Variants in TSPAN5 observed in about 807,000 individuals in gnomAD.
The protein encoded by TSPAN5 is tetraspanin-5.
In TSPAN5, 10 loss-of-function variants were observed where a neutral mutation model predicts 37.1. The observed-to-expected ratio is 0.27, with a 90% CI of 0.17 to 0.46. The LOEUF (loss-of-function observed/expected upper bound fraction) is 0.46, where lower values mean the gene tolerates loss of function less well. TSPAN5 is among the 20% of genes least tolerant of loss of function. TSPAN5 has a pLI of 1.00. For synonymous variants in TSPAN5, 110 were observed against 118.9 expected, an observed-to-expected ratio of 0.93 and a Z score of 0.48; for missense variants, 195 against 326.6, an observed-to-expected ratio of 0.60 and a Z score of 3.11.
In TSPAN5 at chr4:98,518,094, CTT is replaced by C. The variant is rs535091902; in HGVS notation, c.82-10368_82-10367del. ...CTGTTTTTATGTTGAAACATCTTGACTTTTTTTTTTTTTTTTTTAACTTTTCC... is the reference window on the plus strand; with the variant it reads ...CTGTTTTTATGTTGAAACATCTTGACTTTTTTTTTTTTTTTTAACTTTTCC... On this transcript the variant is annotated intron_variant, in intron 1 of 7. Transcript: ENST00000305798. Among the ~76,000 whole-genome samples the C allele has an allele frequency of 2.6e-3, 342 of 132,618 alleles. 1 individual carries two copies. The highest frequency in any genetic ancestry group is 8.1e-3 in the African/African-American group (301 of 37,040). The allele number at this position is 132,618 out of a possible 152,430, so 87.0% of individuals were successfully genotyped here.
chr4:98,639,582 A>G (rs1756922834), intron 1 of TSPAN5, among the ~76,000 whole-genome samples: 1 of 151,040 alleles, frequency 6.6e-6, no homozygotes, highest in East Asian at 1.9e-4. Flanking sequence ...TCAGCTTCTC[A>G]AAGTGCTGGG....
At chr4:98,656,861 C>T (rs1315589612) in intron 1 of TSPAN5, among the ~76,000 whole-genome samples, 1 of 152,088 alleles carries the variant, frequency 6.6e-6, no homozygotes, top group Non-Finnish European at 1.5e-5. Flanking sequence ...TATGAAGAGC[C>T]GTATTGACAA....
chr4:98,626,428 T>C (rs1416371901), intron 1 of TSPAN5, among the ~76,000 whole-genome samples: 1 of 152,196 alleles, frequency 6.6e-6, no homozygotes, highest in African/African-American at 2.4e-5. Flanking sequence ...AGTCAGATCA[T>C]GTAACTTCTC....
At chr4:98,656,669 A>G (rs1757300968) in intron 1 of TSPAN5, among the ~76,000 whole-genome samples, 1 of 152,208 alleles carries the variant, frequency 6.6e-6, no homozygotes, top group Non-Finnish European at 1.5e-5. Flanking sequence ...ATCGGATATG[A>G]CATCCATTCA....
At position 98,476,589 on chromosome 4, in the gene TSPAN5, A is replaced by G. The variant is rs193023204; in HGVS notation, c.577-129T>C. 606 of 779,418 alleles carry G rather than the reference A, an allele frequency of 7.8e-4. No individual in the cohort carries two copies. In the African/African-American group the frequency reaches 9.0e-3, roughly 12 times the overall value. 48.3% of individuals were successfully genotyped at this position (779,418 alleles called of 1,614,324 possible). A position where few individuals can be genotyped will look rare whatever the true frequency, so the allele number is the denominator to read the frequency against. On this transcript the variant is annotated intron_variant, in intron 5 of 7. Coordinates refer to ENST00000305798, the MANE Select transcript of TSPAN5 (RefSeq NM_005723.4). Reference sequence around the variant, plus strand: ...ATCTGGGCACAAAGACTGCAGCACTATGTTAAACACTTTATATACATGATC... The same window carrying G: ...ATCTGGGCACAAAGACTGCAGCACTGTGTTAAACACTTTATATACATGATC...
chr4:98,588,485 A>G (rs1243058836), intron 1 of TSPAN5, among the ~76,000 whole-genome samples: 1 of 152,170 alleles, frequency 6.6e-6, no homozygotes. Context: ...TTTTTAAAGA[A>G]TGTCTTTTCT....
chr4:98,633,588 A>G (rs1756793143), intron 1 of TSPAN5, among the ~76,000 whole-genome samples: 1 of 152,194 alleles, frequency 6.6e-6, no homozygotes, highest in Non-Finnish European at 1.5e-5. Flanking sequence ...TTTTAAACAG[A>G]ATTTAAAATG....
chr4:98,525,831 A>G (rs905229274), intron 1 of TSPAN5, among the ~76,000 whole-genome samples: 1 of 152,222 alleles, frequency 6.6e-6, no homozygotes, highest in Non-Finnish European at 1.5e-5. Flanking sequence ...TTTCTTATAC[A>G]TACATGTCAT....
intron 1 of TSPAN5, among the ~76,000 whole-genome samples, chr4:98,564,273 C>G (rs1423825690): frequency 6.6e-6 from 1 of 152,204 alleles, no homozygotes; most frequent in Non-Finnish European, 1.5e-5. Context: ...CTATCAAATT[C>G]TTACCCCAAA....
chr4:98,477,337 C>T (rs1187152013), intron 5 of TSPAN5, among the ~76,000 whole-genome samples: 2 of 152,234 alleles, frequency 1.3e-5, no homozygotes, highest in Non-Finnish European at 2.9e-5. Context: ...TCCTTAGTGA[C>T]TTTGTCTCCT....
intron 1 of TSPAN5, among the ~76,000 whole-genome samples, chr4:98,649,284 C>T (rs1318171282): frequency 6.6e-6 from 1 of 152,074 alleles, no homozygotes; most frequent in Non-Finnish European, 1.5e-5. Flanking sequence ...GACCCACCCA[C>T]CCACATACGC....
chr4:98,592,541 G>A (rs1461909785), intron 1 of TSPAN5, among the ~76,000 whole-genome samples: 3 of 144,818 alleles, frequency 2.1e-5, no homozygotes, highest in Non-Finnish European at 4.5e-5. Context: ...ACCCACTAAT[G>A]TGTCGTCTAG....
intron 1 of TSPAN5, among the ~76,000 whole-genome samples, chr4:98,584,883 T>G (rs1356658497): frequency 6.6e-6 from 1 of 152,226 alleles, no homozygotes; most frequent in Admixed American, 6.5e-5. Flanking sequence ...TTCAATCTAA[T>G]TCCTTCTATC....
At chr4:98,508,965 G>T (rs1266353887) in intron 1 of TSPAN5, among the ~76,000 whole-genome samples, 1 of 151,960 alleles carries the variant, frequency 6.6e-6, no homozygotes, top group Non-Finnish European at 1.5e-5. Context: ...CCTTGATATA[G>T]AAAACAATGG....
At position 98,658,283 on chromosome 4, in the gene TSPAN5, C is replaced by A; in HGVS notation, c.-57G>T. The stretch of plus-strand genomic sequence containing the variant: ...AGCCCGAGTTTGGAGCTCCGAAGCA[C>A]CGTTGCTCGGAGCAGCCCGGCGGGG... On this transcript the variant is annotated 5_prime_UTR_variant, in exon 1 of 8. Transcript: ENST00000305798. 6.9e-7 allele frequency: 1 copy of A among 1,445,866 alleles called. No homozygotes were observed. Among genetic ancestry groups the A allele is most frequent in the Non-Finnish European group, 9.7e-7 (1 of 1,026,876 alleles). The allele number at this position is 1,445,866 out of a possible 1,614,324, so 89.6% of individuals were successfully genotyped here. A position where few individuals can be genotyped will look rare whatever the true frequency, so the allele number is the denominator to read the frequency against.
intron 2 of TSPAN5, among the ~76,000 whole-genome samples, chr4:98,490,800 C>G (rs1225763726): frequency 6.6e-6 from 1 of 152,082 alleles, no homozygotes; most frequent in Non-Finnish European, 1.5e-5. Flanking sequence ...ATGGCTCACG[C>G]CTGTAATCCC....
At chr4:98,573,305 G>A (rs7670256) in intron 1 of TSPAN5, among the ~76,000 whole-genome samples, 3,466 of 152,256 alleles carry the variant, frequency 0.023, 142 homozygotes, top group African/African-American at 0.079. Context: ...GTTTGACCTC[G>A]TAATATGAAG....
intron 1 of TSPAN5, among the ~76,000 whole-genome samples, chr4:98,654,163 C>T (rs1757252713): frequency 6.6e-6 from 1 of 152,240 alleles, no homozygotes; most frequent in Non-Finnish European, 1.5e-5. Context: ...CCAACTCCAA[C>T]TACATCTCAC....
In TSPAN5 at chr4:98,476,475, AAAGAG is replaced by A. The variant is rs753681635; in HGVS notation, c.577-20_577-16del. The A allele has an allele frequency of 3.7e-6, 6 of 1,613,982 alleles. No homozygotes were observed. The South Asian group carries it at 4.4e-5, about 12-fold the overall frequency. On this transcript the variant is annotated splice_polypyrimidine_tract_variant and intron_variant, in intron 5 of 7. Transcript: ENST00000305798. ...ATGACATCTTCCTGGTGAAGAAAGG[AAAGAG>A]AAAAGTGAAATTTACTCATTAGACA...
Sources: allele counts gnomAD v4.1 joint callset (sites outside exome capture counted in the v4.1 genomes callset), GRCh38; gene constraint gnomAD v4.1.1; transcripts MANE v1.5; gene names NCBI Gene and HGNC (gene_info 2026-07-23, HGNC 2026-07-21).